The following RIT2 variants were observed in gnomAD, a reference collection of about 807,000 sequenced individuals.
The protein encoded by RIT2 is GTP-binding protein Rit2.
A neutral mutation model predicts 23.7 loss-of-function variants in RIT2; 24 were observed. The observed-to-expected ratio is 1.01, with a 90% confidence interval of 0.73 to 1.43. The LOEUF (loss-of-function observed/expected upper bound fraction) is 1.43. RIT2 is among the 40% of genes most tolerant of loss of function. The pLI, the probability that RIT2 is intolerant of heterozygous loss-of-function variation, is 0.00. For missense variants in RIT2, 236 were observed against 266.9 expected (o/e 0.88, Z 0.81); for synonymous variants, 107 against 91.1 (o/e 1.17, Z -0.99).
chr18:42,961,113 TAC>T (rs1910085172), intron 3 of RIT2, among the ~76,000 whole-genome samples: 1 of 152,152 alleles, frequency 6.6e-6, no homozygotes, highest in Non-Finnish European at 1.5e-5. Flanking sequence ...CATTCTGGCT[TAC>T]AGAGTTCATA....
chr18:43,031,405 G>A (rs1911851233), intron 2 of RIT2, among the ~76,000 whole-genome samples: 1 of 151,488 alleles, frequency 6.6e-6, no homozygotes, highest in Non-Finnish European at 1.5e-5. Context: ...CTTTCTGAAA[G>A]CAAGAGATTC....
At chr18:43,097,191 G>T (rs1182145430) in intron 1 of RIT2, among the ~76,000 whole-genome samples, 1 of 151,848 alleles carries the variant, frequency 6.6e-6, no homozygotes, top group Admixed American at 6.6e-5. Context: ...TGATTTTGTA[G>T]ATCTGAAATG....
intron 4 of RIT2, among the ~76,000 whole-genome samples, chr18:42,834,465 A>G (rs574094528): frequency 6.6e-6 from 1 of 152,222 alleles, no homozygotes; most frequent in South Asian, 2.1e-4. Flanking sequence ...TTATATGACT[A>G]GATATTTGAA....
At chr18:42,776,325 C>T (rs919528396) in intron 4 of RIT2, among the ~76,000 whole-genome samples, 1 of 152,128 alleles carries the variant, frequency 6.6e-6, no homozygotes, top group African/African-American at 2.4e-5. Context: ...ACCTGTTAAA[C>T]CTGTAGTTAG....
chr18:42,999,429 C>T (rs1289139101), intron 2 of RIT2, among the ~76,000 whole-genome samples: 1 of 151,924 alleles, frequency 6.6e-6, no homozygotes, highest in African/African-American at 2.4e-5. Context: ...AAGTGAAGTC[C>T]CTGCCTATGA....
At chr18:42,798,949 T>C (rs537875149) in intron 4 of RIT2, among the ~76,000 whole-genome samples, 24 of 152,358 alleles carry the variant, frequency 1.6e-4, no homozygotes, top group African/African-American at 5.5e-4. Flanking sequence ...AGGTCTTTAA[T>C]CATAATCAAC....
At chr18:42,929,622 T>G (rs1346674692) in intron 3 of RIT2, among the ~76,000 whole-genome samples, 5 of 152,168 alleles carry the variant, frequency 3.3e-5, no homozygotes, top group Admixed American at 3.3e-4. Flanking sequence ...AATAGCTGCA[T>G]AATTTGTAGA....
chr18:43,023,814 G>A (rs549886644), intron 2 of RIT2, among the ~76,000 whole-genome samples: 1 of 152,170 alleles, frequency 6.6e-6, no homozygotes, highest in East Asian at 1.9e-4. Context: ...AAGAGAGTGA[G>A]TGTATTCTGG....
intron 4 of RIT2, among the ~76,000 whole-genome samples, chr18:42,774,913 A>G (rs2143921430): frequency 6.6e-6 from 1 of 152,312 alleles, no homozygotes; most frequent in Non-Finnish European, 1.5e-5. Context: ...CAACAGTATG[A>G]TTGCAGAGAT....
At chr18:42,795,625 C>G (rs746517127) in intron 4 of RIT2, among the ~76,000 whole-genome samples, 1 of 152,224 alleles carries the variant, frequency 6.6e-6, no homozygotes, top group East Asian at 1.9e-4. Context: ...GGGCGCGGCA[C>G]GGGACTGGCA....
chr18:43,055,582 C>T (rs1175824928), intron 1 of RIT2, among the ~76,000 whole-genome samples: 2 of 152,196 alleles, frequency 1.3e-5, no homozygotes, highest in East Asian at 3.9e-4. Context: ...CGGGTTCATA[C>T]TACATTTTTT....
chr18:43,048,482 A>T (rs1912302055), intron 1 of RIT2, among the ~76,000 whole-genome samples: 1 of 152,150 alleles, frequency 6.6e-6, no homozygotes, highest in Non-Finnish European at 1.5e-5. Context: ...TGGCTTTAGG[A>T]GAGTTATTAA....
At chr18:43,083,745 A>G (rs775016460) in intron 1 of RIT2, among the ~76,000 whole-genome samples, 1 of 152,202 alleles carries the variant, frequency 6.6e-6, no homozygotes, top group Non-Finnish European at 1.5e-5. Context: ...AAAGTGGACT[A>G]AAGAATTAAA....
chr18:43,108,855 A>G (rs1028663548), intron 1 of RIT2, among the ~76,000 whole-genome samples: 12 of 152,180 alleles, frequency 7.9e-5, no homozygotes, highest in African/African-American at 2.4e-4. Context: ...AAGGCCCTGG[A>G]ATCTTAAAAT....
chr18:42,942,138 C>A (rs1406210715), intron 3 of RIT2, among the ~76,000 whole-genome samples: 1 of 151,708 alleles, frequency 6.6e-6, no homozygotes, highest in African/African-American at 2.4e-5. Context: ...CAAACACTTA[C>A]ACTGATTTGC....
At chr18:42,758,031 G>T (rs1231786563) in intron 4 of RIT2, among the ~76,000 whole-genome samples, 2 of 150,652 alleles carry the variant, frequency 1.3e-5, no homozygotes, top group Non-Finnish European at 3.0e-5. Context: ...CAATCCTGCA[G>T]TATTAGTTGT....
chr18:43,038,249 G>A (rs1272972750), intron 1 of RIT2, among the ~76,000 whole-genome samples: 3 of 145,382 alleles, frequency 2.1e-5, no homozygotes, highest in East Asian at 2.0e-4. Flanking sequence ...TCAGGTACAA[G>A]TGGGTCATTT....
chr18:43,107,844 G>A (rs996841840), intron 1 of RIT2, among the ~76,000 whole-genome samples: 1 of 151,886 alleles, frequency 6.6e-6, no homozygotes, highest in Non-Finnish European at 1.5e-5. Flanking sequence ...TCATATAGAC[G>A]ATTTTGTGTG....
At chr18:42,755,445 A>C (rs192241916) in intron 4 of RIT2, among the ~76,000 whole-genome samples, 1 of 152,104 alleles carries the variant, frequency 6.6e-6, no homozygotes, top group Non-Finnish European at 1.5e-5. Flanking sequence ...CCCAGCTGAA[A>C]TATCACCTCC....
Sources: allele counts gnomAD v4.1 joint callset (sites outside exome capture counted in the v4.1 genomes callset), GRCh38; gene constraint gnomAD v4.1.1; transcripts MANE v1.5; gene names NCBI Gene and HGNC (gene_info 2026-07-23, HGNC 2026-07-21).